AGBL1: variants seen among roughly 807,000 people sequenced by gnomAD.
AGBL1 encodes AGBL carboxypeptidase 1.
A neutral mutation model predicts 118.9 loss-of-function variants in AGBL1; 130 were observed. The ratio of observed to expected loss-of-function variants is 1.09; its 90% CI spans 0.95 to 1.26. AGBL1 has a LOEUF of 1.26. Ranked by LOEUF, AGBL1 falls within the 50% of genes most tolerant of loss-of-function variation. AGBL1 has a pLI of 0.00. For missense variants in AGBL1, 1,584 were observed against 1,298.1 expected, an observed-to-expected ratio of 1.22 and a Z score of -3.38; for synonymous variants, 555 against 478.9, an observed-to-expected ratio of 1.16 and a Z score of -2.08.
At chr15:86,338,141 G>A (rs1412609691) in intron 17 of AGBL1, among the ~76,000 whole-genome samples, 1 of 152,226 alleles carries the variant, frequency 6.6e-6, no homozygotes, top group Non-Finnish European at 1.5e-5. Context: ...CATGGGCTCT[G>A]AATTATGAGA....
At chr15:86,487,464 A>G (rs561464693) in intron 18 of AGBL1, among the ~76,000 whole-genome samples, 1 of 152,216 alleles carries the variant, frequency 6.6e-6, no homozygotes, top group South Asian at 2.1e-4. Flanking sequence ...ACACCTTTGT[A>G]GTAGGCTGGA....
intron 1 of AGBL1, among the ~76,000 whole-genome samples, chr15:86,096,287 T>C (rs1896376026): frequency 6.6e-6 from 1 of 152,166 alleles, no homozygotes. Context: ...TTCTGTTTTC[T>C]AAAAAGATTA....
chr15:86,639,123 T>C (rs1023225586), intron 21 of AGBL1, among the ~76,000 whole-genome samples: 2 of 152,156 alleles, frequency 1.3e-5, no homozygotes, highest in Non-Finnish European at 2.9e-5. Context: ...TACTTAACCA[T>C]AGAATTGACA....
At chr15:86,488,134 C>T (rs1485081724) in intron 18 of AGBL1, among the ~76,000 whole-genome samples, 1 of 152,044 alleles carries the variant, frequency 6.6e-6, no homozygotes, top group East Asian at 1.9e-4. Flanking sequence ...AAGTTGATGG[C>T]AACCCAGCTG....
chr15:86,411,570 C>T (rs565426546), intron 18 of AGBL1, among the ~76,000 whole-genome samples: 1 of 152,276 alleles, frequency 6.6e-6, no homozygotes, highest in South Asian at 2.1e-4. Context: ...GAATTATTAG[C>T]CTTACTCCTT....
intron 22 of AGBL1, among the ~76,000 whole-genome samples, chr15:86,740,388 A>C (rs1341287427): frequency 6.6e-6 from 1 of 152,190 alleles, no homozygotes; most frequent in Non-Finnish European, 1.5e-5. Context: ...GAAAGTTCTA[A>C]GATTCTTGAC....
At chr15:86,421,454 G>A (rs946450478) in intron 18 of AGBL1, among the ~76,000 whole-genome samples, 2 of 152,142 alleles carry the variant, frequency 1.3e-5, no homozygotes, top group Non-Finnish European at 2.9e-5. Flanking sequence ...TCTGAAGGAA[G>A]TACTAAATAT....
intron 21 of AGBL1, among the ~76,000 whole-genome samples, chr15:86,592,047 C>T (rs772241347): frequency 6.6e-6 from 1 of 152,088 alleles, no homozygotes; most frequent in Non-Finnish European, 1.5e-5. Flanking sequence ...AATATAGACC[C>T]ACCTCAATGC....
In AGBL1 at chr15:86,775,416, G is replaced by A. The variant is rs114181410; in HGVS notation, c.3158+100980G>A. ...GAAATAGCATGCTCAGGATTAGTTC[G>A]CTCCATGAAGAAAAAGGAAACTGCT... On this transcript the variant is annotated intron_variant, in intron 22 of 22. Transcript: ENST00000614907. 7.3e-3 allele frequency among the ~76,000 whole-genome samples: 1,113 copies of A among 152,202 alleles called. 17 individuals are homozygous for A. Among genetic ancestry groups the A allele is most frequent in the African/African-American group, 0.025 (1,033 of 41,544 alleles).
intron 17 of AGBL1, among the ~76,000 whole-genome samples, chr15:86,313,021 G>C (rs576308722): frequency 6.6e-6 from 1 of 152,332 alleles, no homozygotes; most frequent in East Asian, 1.9e-4. Context: ...TTAAGCTGCT[G>C]GGGAAGCAGC....
chr15:86,481,438 G>A (rs747524032), intron 18 of AGBL1, among the ~76,000 whole-genome samples: 1 of 152,072 alleles, frequency 6.6e-6, no homozygotes. Context: ...TCTGGGAGCA[G>A]GACTTTCTGC....
chr15:86,952,514 C>A (rs1325787168), intron 23 of AGBL1, among the ~76,000 whole-genome samples: 3 of 151,998 alleles, frequency 2.0e-5, no homozygotes, highest in Admixed American at 6.6e-5. Flanking sequence ...GTATCCTTTG[C>A]CCATTTTTTA....
At chr15:86,293,097 A>G (rs1272114256) in intron 16 of AGBL1, among the ~76,000 whole-genome samples, 1 of 152,132 alleles carries the variant, frequency 6.6e-6, no homozygotes, top group East Asian at 1.9e-4. Context: ...CAACTATTTC[A>G]GTAGAGTATA....
intron 21 of AGBL1, among the ~76,000 whole-genome samples, chr15:86,571,896 T>C (rs374472831): frequency 6.6e-6 from 1 of 152,142 alleles, no homozygotes; most frequent in African/African-American, 2.4e-5. Context: ...AACTGCCTCC[T>C]GCCGCTGTTC....
At chr15:86,118,473 CA>C (rs55759602) in intron 1 of AGBL1, among the ~76,000 whole-genome samples, 46,791 of 145,130 alleles carry the variant, frequency 0.32, 7,365 homozygotes, top group South Asian at 0.44. Flanking sequence ...AATTACACTT[CA>C]AAAAAAAAAA....
At chr15:86,359,349 G>A (rs867446753) in intron 17 of AGBL1, among the ~76,000 whole-genome samples, 1 of 142,878 alleles carries the variant, frequency 7.0e-6, no homozygotes, top group African/African-American at 2.6e-5. Flanking sequence ...TTTTATTTCT[G>A]GGCTCTCTGT....
intron 18 of AGBL1, among the ~76,000 whole-genome samples, chr15:86,504,440 A>G (rs1049969355): frequency 1.3e-5 from 2 of 151,438 alleles, no homozygotes. Flanking sequence ...GGTTTTATGT[A>G]TGTCATTTTG....
At chr15:86,654,253 C>T (rs962983825) in intron 21 of AGBL1, among the ~76,000 whole-genome samples, 9 of 152,104 alleles carry the variant, frequency 5.9e-5, no homozygotes, top group African/African-American at 1.9e-4. Flanking sequence ...CTACTCCTCC[C>T]CTAGAGCTCT....
intron 6 of AGBL1, among the ~76,000 whole-genome samples, chr15:86,245,264 G>A (rs914022540): frequency 2.0e-5 from 3 of 152,174 alleles, no homozygotes; most frequent in Non-Finnish European, 4.4e-5. Flanking sequence ...GCACTCACAT[G>A]GTCTTAGGGA....
Sources: gnomAD v4.1 joint callset for allele counts (sites outside exome capture counted in the v4.1 genomes callset) on GRCh38, gnomAD v4.1.1 for gene constraint, MANE v1.5 for transcripts, NCBI Gene and HGNC (gene_info 2026-07-23, HGNC 2026-07-21) for gene names.